The following PRUNE2 variants were observed in gnomAD, a reference collection of about 807,000 sequenced individuals.
The protein encoded by PRUNE2 is protein prune homolog 2.
In PRUNE2, 164 loss-of-function variants were observed where a neutral mutation model predicts 252.0. The observed-to-expected ratio is 0.65, with a 90% CI of 0.57 to 0.74. PRUNE2 has a LOEUF of 0.74. Among genes scored for constraint, PRUNE2 ranks in the 30% least tolerant of loss-of-function variants. The pLI, the probability that PRUNE2 is intolerant of heterozygous loss-of-function variation, is 0.00. For synonymous variants in PRUNE2, 1,292 were observed against 1,350.2 expected (o/e 0.96, Z 0.94); for missense variants, 3,495 against 3,711.0 (o/e 0.94, Z 1.51).
At chr9:76,848,165 G>A (rs868146902) in intron 3 of PRUNE2, among the ~76,000 whole-genome samples, 5 of 152,216 alleles carry the variant, frequency 3.3e-5, no homozygotes, top group African/African-American at 9.7e-5. Flanking sequence ...TCAGGAGGCC[G>A]AGGCAAGAGA....
intron 6 of PRUNE2, among the ~76,000 whole-genome samples, chr9:76,765,040 T>C (rs1156663772): frequency 6.6e-6 from 1 of 152,198 alleles, no homozygotes; most frequent in Non-Finnish European, 1.5e-5. Flanking sequence ...CCATTAGATA[T>C]TTAAATGGAG....
chr9:76,710,766 G>T lies in PRUNE2; in HGVS notation c.1508C>A (p.Ser503Tyr). The T allele has an allele frequency of 6.2e-7, 1 of 1,606,220 alleles. No individual in the cohort carries two copies. The change falls in exon 8 of 19, where the codon TCT becomes TAT. Residue 503 changes from serine to tyrosine, a missense_variant. Ser to Tyr is a moderately radical substitution (Grantham distance 144). Transcript: ENST00000376718. ...ATGAGAAGATTGCTGGGACTGCCCA[G>T]AAGCCATGGGTGCTGGGTCAAAATT... is the stretch of plus-strand genomic sequence containing the variant. ...LFNFDPAPMASGQSQQSSHSA... is the reference protein window; with the variant it reads ...LFNFDPAPMAYGQSQQSSHSA...
At position 76,901,904 on chromosome 9, in the gene PRUNE2, GC is replaced by G. The variant is rs2063196708; in HGVS notation, c.36+4023del. Among the ~76,000 whole-genome samples the G allele has an allele frequency of 5.3e-5, 8 of 152,184 alleles. 1 individual carries two copies. The highest frequency in any genetic ancestry group is 5.2e-4 in the Admixed American group (8 of 15,280). ...AACAGCATTCCTGGGACACTGATGT[GC>G]CCTGTATCTTGCTGGTGACAGCTGA... is the stretch of plus-strand genomic sequence containing the variant. On this transcript the variant is annotated intron_variant, in intron 1 of 18. Coordinates refer to ENST00000376718, the MANE Select transcript of PRUNE2 (RefSeq NM_015225.3).
chr9:76,873,778 C>T (rs563843165), intron 1 of PRUNE2, among the ~76,000 whole-genome samples: 1 of 152,312 alleles, frequency 6.6e-6, no homozygotes, highest in East Asian at 1.9e-4. Context: ...GCATTTAACA[C>T]TTGGTAGGCA....
At chr9:76,789,817 G>A (rs2055382158) in intron 6 of PRUNE2, among the ~76,000 whole-genome samples, 2 of 152,044 alleles carry the variant, frequency 1.3e-5, no homozygotes, top group Admixed American at 6.6e-5. Flanking sequence ...TATTGTCTAC[G>A]AATCTTCATT....
At chr9:76,748,656 CTT>C (rs1158140077) in intron 6 of PRUNE2, 1 of 152,176 alleles carries the variant, frequency 6.6e-6, no homozygotes, top group Non-Finnish European at 1.5e-5. Context: ...CTCCATAAAA[CTT>C]GCAGAAGCAA....
At chr9:76,834,408 T>C (rs191676859) in intron 4 of PRUNE2, among the ~76,000 whole-genome samples, 78 of 152,322 alleles carry the variant, frequency 5.1e-4, no homozygotes, top group Admixed American at 1.2e-3. Flanking sequence ...TTAAGGTCAA[T>C]AATACAAAAT....
chr9:76,834,104 A>G (rs2058826181), intron 4 of PRUNE2, among the ~76,000 whole-genome samples: 1 of 151,996 alleles, frequency 6.6e-6, no homozygotes, highest in African/African-American at 2.4e-5. Context: ...TCTGGTCTCA[A>G]ACCCCTGACC....
chr9:76,834,361 A>T (rs1342503389), intron 4 of PRUNE2, among the ~76,000 whole-genome samples: 2 of 152,208 alleles, frequency 1.3e-5, no homozygotes, highest in Non-Finnish European at 2.9e-5. Context: ...CTACAAATGA[A>T]CTCAGGATAG....
chr9:76,621,759 G>A (rs1182216486), intron 17 of PRUNE2, among the ~76,000 whole-genome samples: 2 of 151,902 alleles, frequency 1.3e-5, no homozygotes, highest in East Asian at 3.9e-4. Context: ...TTAGCTCACT[G>A]CAACCTTGAA....
chr9:76,792,137 T>A (rs1936287), intron 6 of PRUNE2, among the ~76,000 whole-genome samples: 57,501 of 151,930 alleles, frequency 0.38, 11,340 homozygotes, highest in African/African-American at 0.48. Context: ...AGCTGCTATA[T>A]TTCCCATGTG....
chr9:76,696,734 G>A (rs1385721774), intron 9 of PRUNE2, among the ~76,000 whole-genome samples: 2 of 152,220 alleles, frequency 1.3e-5, no homozygotes, highest in Non-Finnish European at 2.9e-5. Context: ...CCTCCACTAG[G>A]TTTTGACCAG....
intron 1 of PRUNE2, among the ~76,000 whole-genome samples, chr9:76,883,153 T>C (rs989569202): frequency 1.3e-5 from 2 of 152,218 alleles, no homozygotes; most frequent in Non-Finnish European, 2.9e-5. Context: ...GCTCACATTT[T>C]AGTTGACTCA....
At chr9:76,796,029 G>T (rs759617161) in intron 6 of PRUNE2, among the ~76,000 whole-genome samples, 2 of 152,144 alleles carry the variant, frequency 1.3e-5, no homozygotes, top group African/African-American at 4.8e-5. Context: ...TCACTTCACA[G>T]GTGCCTCATT....
At position 76,705,287 on chromosome 9, in the gene PRUNE2, C is replaced by T. The variant is rs150789659; in HGVS notation, c.6987G>A (p.Pro2329=). 4.5e-5 allele frequency: 73 copies of T among 1,614,020 alleles called. No individual in the cohort carries two copies. The highest frequency in any genetic ancestry group is 2.4e-4 in the African/African-American group (18 of 75,042). Residue 2329 remains proline (P), a synonymous_variant, in exon 8 of 19, where the codon CCG becomes CCA. Transcript: ENST00000376718. ...MSKLTLSEGH[P]ETPVDGDLGK... ...CTAGGTCCCCATCAACTGGCGTTTC[C>T]GGATGGCCTTCGGATAATGTCAGTT...
chr9:76,832,082 A>G (rs1272845728), intron 4 of PRUNE2, among the ~76,000 whole-genome samples: 1 of 152,206 alleles, frequency 6.6e-6, no homozygotes, highest in African/African-American at 2.4e-5. Flanking sequence ...CTAAATTTGT[A>G]TGCACTAATA....
chr9:76,829,808 C>A (rs1029270598), intron 4 of PRUNE2, among the ~76,000 whole-genome samples: 4 of 151,338 alleles, frequency 2.6e-5, no homozygotes, highest in African/African-American at 9.7e-5. Flanking sequence ...AAAAGTAAAT[C>A]CTCTTGAGAG....
At chr9:76,779,232 C>CTTTT (rs5898506) in intron 6 of PRUNE2, among the ~76,000 whole-genome samples, 17 of 144,852 alleles carry the variant, frequency 1.2e-4, no homozygotes, top group African/African-American at 2.5e-4. Context: ...AAAACTTAGA[C>CTTTT]TTTTTTTTTT....
rs114517360 is a variant in PRUNE2 at position 76,621,843 on chromosome 9, G to A, written c.9189-2456C>T. Among the ~76,000 whole-genome samples the A allele has an allele frequency of 8.3e-3, 1,265 of 151,992 alleles. 16 individuals carry two copies. Among genetic ancestry groups the A allele is most frequent in the African/African-American group, 0.027 (1,123 of 41,450 alleles). ...ACTGCAGGCACATACCACCATACTT[G>A]GCTAATTAAAAAAATTTTTTTTTGT... On this transcript the variant is annotated intron_variant, in intron 17 of 18. Transcript: ENST00000376718.
Sources: gnomAD v4.1 joint callset for allele counts (sites outside exome capture counted in the v4.1 genomes callset) on GRCh38, gnomAD v4.1.1 for gene constraint, MANE v1.5 for transcripts, NCBI Gene and HGNC (gene_info 2026-07-23, HGNC 2026-07-21) for gene names.